The following PCDHA3 variants were observed in gnomAD, a reference collection of about 807,000 sequenced individuals.
PCDHA3 encodes protocadherin alpha-3.
Under a neutral mutation model 62.2 loss-of-function variants are expected in PCDHA3, and 41 were observed. That is an observed-to-expected ratio of 0.66 (90% confidence interval 0.51 to 0.86). The LOEUF is 0.86. PCDHA3 is among the 40% of genes least tolerant of loss of function. The pLI, the probability that PCDHA3 is intolerant of heterozygous loss-of-function variation, is 0.00. For missense variants in PCDHA3, 1,304 were observed against 1,241.2 expected (o/e 1.05, Z -0.76); for synonymous variants, 640 against 555.4 (o/e 1.15, Z -2.14).
chr5:140,937,160 C>T lies in PCDHA3; in HGVS notation c.2395-41789C>T, dbSNP rs767846084. Among the ~76,000 whole-genome samples the T allele has an allele frequency of 1.0e-3, 155 of 151,762 alleles. 1 individual carries two copies. Among genetic ancestry groups the T allele is most frequent in the Admixed American group, 4.7e-3 (71 of 15,248 alleles). ...TCATGCCATTCTCCTGCCTCAGCCT[C>T]CCGAGTAGCTGGGACTACAGGCGCC... On this transcript the variant is annotated intron_variant, in intron 1 of 3. Coordinates refer to ENST00000522353, the MANE Select transcript of PCDHA3 (RefSeq NM_018906.3).
intron 1 of PCDHA3, among the ~76,000 whole-genome samples, chr5:140,933,436 A>G (rs1554209364): frequency 6.6e-6 from 1 of 152,102 alleles, no homozygotes; most frequent in Non-Finnish European, 1.5e-5. Flanking sequence ...GGGGCACTCT[A>G]ATGACATACC....
Position 140,843,144 on chromosome 5 carries a change from C to T in PCDHA3, c.2394+39553C>T, listed in dbSNP as rs1554139783. ...GACTCGGGCTACAACGCGTGGCTTT[C>T]GTATGAGCTGCAGCCAGCTGCAAGC... On this transcript the variant is annotated intron_variant, in intron 1 of 3. Transcript: ENST00000522353. The T allele has an allele frequency of 2.4e-5, 39 of 1,596,036 alleles. 4 individuals are homozygous for T. Among genetic ancestry groups the T allele is most frequent in the Non-Finnish European group, 3.3e-5 (39 of 1,165,590 alleles).
chr5:140,870,085 C>T lies in PCDHA3; in HGVS notation c.2394+66494C>T, dbSNP rs200687541. ...ACAGGCTACAGATAAGGGGACTCCCCCAATGGCAGGTCACTGTACAGTCTG... is the reference window on the plus strand; with the variant it reads ...ACAGGCTACAGATAAGGGGACTCCCTCAATGGCAGGTCACTGTACAGTCTG... On this transcript the variant is annotated intron_variant, in intron 1 of 3. Coordinates refer to ENST00000522353, the MANE Select transcript of PCDHA3 (RefSeq NM_018906.3). 1.7e-4 allele frequency: 271 copies of T among 1,613,744 alleles called. No homozygotes were observed. The highest frequency in any genetic ancestry group is 1.8e-4 in the Non-Finnish European group (215 of 1,179,872).
chr5:140,960,120 C>A (rs2095527331), intron 1 of PCDHA3, among the ~76,000 whole-genome samples: 1 of 152,118 alleles, frequency 6.6e-6, no homozygotes, highest in African/African-American at 2.4e-5. Context: ...AATAGTATTC[C>A]TTATGAAATA....
chr5:140,915,863 A>C (rs1424465325), intron 1 of PCDHA3, among the ~76,000 whole-genome samples: 1 of 152,172 alleles, frequency 6.6e-6, no homozygotes, highest in Non-Finnish European at 1.5e-5. Context: ...CCAAGTTTGC[A>C]TCCTTCCCTT....
At chr5:140,829,291 CT>C in intron 1 of PCDHA3, 1 of 1,614,248 alleles carries the variant, frequency 6.2e-7, no homozygotes, top group Non-Finnish European at 8.5e-7. Context: ...TGGTGTCCAC[CT>C]TCAAGAATTA....
chr5:140,988,381 T>C (rs1554250091), intron 3 of PCDHA3, among the ~76,000 whole-genome samples: 3 of 152,158 alleles, frequency 2.0e-5, no homozygotes, highest in Admixed American at 6.5e-5. Flanking sequence ...GTGAAACTCA[T>C]TGTGTTTGCC....
intron 1 of PCDHA3, among the ~76,000 whole-genome samples, chr5:140,940,805 A>G (rs957278090): frequency 6.6e-6 from 1 of 152,202 alleles, no homozygotes. Context: ...ATTTGCCAGG[A>G]TATCCTGAGA....
At chr5:140,873,395 C>T (rs1376459228) in intron 1 of PCDHA3, among the ~76,000 whole-genome samples, 1 of 152,094 alleles carries the variant, frequency 6.6e-6, no homozygotes, top group African/African-American at 2.4e-5. Context: ...GGAATGTTTT[C>T]AGTACAGGTT....
intron 1 of PCDHA3, chr5:140,842,796 A>T (rs2150344571): frequency 6.3e-7 from 1 of 1,594,198 alleles, no homozygotes. Flanking sequence ...CTGGTGTCCT[A>T]CTCGCTTGTG....
intron 1 of PCDHA3, chr5:140,884,656 G>C (rs782439139): frequency 1.9e-6 from 3 of 1,602,178 alleles, no homozygotes; most frequent in Admixed American, 1.7e-5. Context: ...CAGAATGCTT[G>C]AAAGAGGTAA....
At chr5:140,804,834 T>G (rs1023303895) in intron 1 of PCDHA3, 1 of 416,050 alleles carries the variant, frequency 2.4e-6, no homozygotes, top group East Asian at 4.0e-5. Context: ...TAATACTCAT[T>G]GACAGTGTGG....
At chr5:140,919,417 T>C (rs782439186) in intron 1 of PCDHA3, among the ~76,000 whole-genome samples, 16 of 152,226 alleles carry the variant, frequency 1.1e-4, no homozygotes, top group Admixed American at 5.2e-4. Context: ...AGACTGACAA[T>C]TCTGCCTTTT....
intron 1 of PCDHA3, chr5:140,849,964 T>C: frequency 6.3e-7 from 1 of 1,597,810 alleles, no homozygotes; most frequent in African/African-American, 1.3e-5. Flanking sequence ...AACGCCCTGG[T>C]GTCCTACTCG....
chr5:140,837,248 CTTTT>C (rs1379591542), intron 1 of PCDHA3: 2 of 152,172 alleles, frequency 1.3e-5, no homozygotes, highest in African/African-American at 2.4e-5. Flanking sequence ...TATTTATCTT[CTTTT>C]TATCATATTT....
At chr5:140,895,367 CT>C (rs35382025) in intron 1 of PCDHA3, among the ~76,000 whole-genome samples, 1 of 152,014 alleles carries the variant, frequency 6.6e-6, no homozygotes, top group Non-Finnish European at 1.5e-5. Context: ...CTTATTGGCA[CT>C]TTTTGGAGTT....
intron 3 of PCDHA3, among the ~76,000 whole-genome samples, chr5:140,992,482 G>A (rs1187706188): frequency 6.6e-6 from 1 of 152,164 alleles, no homozygotes; most frequent in Non-Finnish European, 1.5e-5. Flanking sequence ...TCACCCAGAG[G>A]CCAATCTGTA....
intron 1 of PCDHA3, among the ~76,000 whole-genome samples, chr5:140,931,201 A>G (rs1444701917): frequency 2.6e-5 from 4 of 152,176 alleles, no homozygotes; most frequent in Admixed American, 2.6e-4. Context: ...CTACAATGCT[A>G]GTATTTCAGG....
chr5:140,801,812 T>C lies in PCDHA3; in HGVS notation c.615T>C (p.Thr205=). 6.2e-7 allele frequency: 1 copy of C among 1,614,112 alleles called. No individual in the cohort carries two copies. The highest frequency in any genetic ancestry group is 8.5e-7 in the Non-Finnish European group (1 of 1,180,048). Residue 205 remains threonine (T), a synonymous_variant, in exon 1 of 4, where the codon ACT becomes ACC. Transcript: ENST00000522353. Reference sequence around the variant, plus strand: ...AAAAAAATTTAAATCGAGAGGACACTCCTAAGCATTATTTACTAATAACAG... The same window carrying C: ...AAAAAAATTTAAATCGAGAGGACACCCCTAAGCATTATTTACTAATAACAG... ...VLKKNLNRED[T]PKHYLLITAI... is the part of the protein sequence containing the mutation.
Sources: allele counts gnomAD v4.1 joint callset (sites outside exome capture counted in the v4.1 genomes callset), GRCh38; gene constraint gnomAD v4.1.1; transcripts MANE v1.5; gene names NCBI Gene and HGNC (gene_info 2026-07-23, HGNC 2026-07-21).